The following COG5 variants were observed in gnomAD, a reference collection of about 807,000 sequenced individuals.
The protein encoded by COG5 is component of oligomeric golgi complex 5.
In COG5, 86 loss-of-function variants were observed where a neutral mutation model predicts 110.4. The observed-to-expected ratio is 0.78, with a 90% confidence interval of 0.65 to 0.93. The LOEUF (loss-of-function observed/expected upper bound fraction) is 0.93. Among genes scored for constraint, COG5 ranks in the 40% least tolerant of loss-of-function variants. COG5 has a pLI of 0.00. For synonymous variants in COG5, 360 were observed against 334.6 expected (o/e 1.08, Z -0.83); for missense variants, 1,077 against 987.0 (o/e 1.09, Z -1.22).
intron 12 of COG5, among the ~76,000 whole-genome samples, chr7:107,289,492 T>G (rs1310144555): frequency 6.6e-6 from 1 of 152,152 alleles, no homozygotes; most frequent in African/African-American, 2.4e-5. Context: ...CCCTTGAAAT[T>G]CCTTATGAAT....
chr7:107,561,881 CAGG>C (rs1294329860), intron 1 of COG5, among the ~76,000 whole-genome samples: 3 of 152,012 alleles, frequency 2.0e-5, no homozygotes, highest in Non-Finnish European at 2.9e-5. Flanking sequence ...GAGGCTGAGC[CAGG>C]AGAATGGCGT....
intron 6 of COG5, among the ~76,000 whole-genome samples, chr7:107,492,142 A>G (rs1798008598): frequency 6.6e-6 from 1 of 151,132 alleles, no homozygotes; most frequent in African/African-American, 2.4e-5. Context: ...AACATAGTAA[A>G]CAAAAAACCA....
At chr7:107,481,822 G>A (rs1472914583) in intron 6 of COG5, among the ~76,000 whole-genome samples, 2 of 152,032 alleles carry the variant, frequency 1.3e-5, no homozygotes, top group African/African-American at 4.8e-5. Flanking sequence ...TGTCTTAAAT[G>A]CACACAATAC....
chr7:107,417,468 C>G (rs1269682382), intron 6 of COG5, among the ~76,000 whole-genome samples: 1 of 152,048 alleles, frequency 6.6e-6, no homozygotes, highest in Non-Finnish European at 1.5e-5. Context: ...ATTTACTTAA[C>G]CTTCAGTTTA....
chr7:107,303,565 T>C (rs1200061450), intron 11 of COG5, among the ~76,000 whole-genome samples: 1 of 151,874 alleles, frequency 6.6e-6, no homozygotes, highest in Non-Finnish European at 1.5e-5. Context: ...GCTGGGACCA[T>C]AGATATGCAC....
At chr7:107,226,309 C>T (rs997702116) in intron 19 of COG5, among the ~76,000 whole-genome samples, 10 of 152,148 alleles carry the variant, frequency 6.6e-5, no homozygotes, top group African/African-American at 2.4e-4. Flanking sequence ...CAAGGTCTAA[C>T]TTGGATGATG....
chr7:107,529,692 G>A (rs977969782), intron 5 of COG5, among the ~76,000 whole-genome samples: 1 of 152,178 alleles, frequency 6.6e-6, no homozygotes, highest in Non-Finnish European at 1.5e-5. Flanking sequence ...TGACCTCAGT[G>A]CCCACGTGGG....
rs1562948771 is a variant in COG5, at chr7:107,281,383, CA to C, written c.1491del (p.Ala498LeufsTer8). 3 of 1,612,980 alleles carry C rather than the reference CA, an allele frequency of 1.9e-6. No individual in the cohort carries two copies. The highest frequency in any genetic ancestry group is 2.5e-6 in the Non-Finnish European group (3 of 1,179,124). On this transcript the variant is annotated frameshift_variant, in exon 14 of 22. Coordinates refer to ENST00000297135, the MANE Select transcript of COG5 (RefSeq NM_006348.5). LOFTEE classifies it high-confidence loss of function. ...IKTIASELNV[A>X]AVDTNLTLAV... ...GCTAATGTGAGGTTTGTATCAACAG[CA>C]GCAACATTTAGTTCACTGGAGAAAA...
Position 107,307,078 on chromosome 7 carries a change from T to G in COG5, c.1109-8732A>C, listed in dbSNP as rs76262709. 4.6e-3 allele frequency among the ~76,000 whole-genome samples: 701 copies of G among 152,288 alleles called. 8 individuals carry two copies. Among genetic ancestry groups the G allele is most frequent in the African/African-American group, 0.015 (644 of 41,572 alleles). ...CACTCCGCCTTAACTCTATAAACTA[T>G]TCATTTGCAGCCACTGTCCTGTTGC... On this transcript the variant is annotated intron_variant, in intron 11 of 21. Coordinates refer to ENST00000297135, the MANE Select transcript of COG5 (RefSeq NM_006348.5).
intron 12 of COG5, among the ~76,000 whole-genome samples, chr7:107,291,436 G>A (rs1025075562): frequency 6.6e-6 from 1 of 152,052 alleles, no homozygotes; most frequent in Non-Finnish European, 1.5e-5. Flanking sequence ...CAGCTCTAAG[G>A]CTTGTTATTG....
chr7:107,324,565 T>G, intron 10 of COG5, 44 bp from the exon 11 acceptor site: 1 of 1,169,990 alleles, frequency 8.5e-7, no homozygotes, highest in Non-Finnish European at 1.3e-6. Context: ...AAAAAATGCA[T>G]TTATTTTAAG....
At chr7:107,287,267 A>C (rs1358284060) in intron 12 of COG5, among the ~76,000 whole-genome samples, 2 of 152,124 alleles carry the variant, frequency 1.3e-5, no homozygotes, top group East Asian at 3.9e-4. Context: ...GGCTTGTGAG[A>C]TAGTGTGTCA....
intron 6 of COG5, among the ~76,000 whole-genome samples, chr7:107,420,580 C>T (rs1793213715): frequency 6.6e-6 from 1 of 152,166 alleles, no homozygotes; most frequent in African/African-American, 2.4e-5. Context: ...CCTGCCTCAG[C>T]CTCCTGAGTA....
At chr7:107,416,015 C>T (rs112785739) in intron 6 of COG5, among the ~76,000 whole-genome samples, 1 of 114,376 alleles carries the variant, frequency 8.7e-6, no homozygotes, top group Non-Finnish European at 2.0e-5. Flanking sequence ...CACACATACA[C>T]GTATGTATAT....
intron 6 of COG5, among the ~76,000 whole-genome samples, chr7:107,423,312 A>G (rs560030646): frequency 6.6e-6 from 1 of 152,306 alleles, no homozygotes; most frequent in South Asian, 2.1e-4. Flanking sequence ...ACAGGAATTA[A>G]AAAGAAGATA....
At chr7:107,292,063 G>C (rs1255923736) in intron 12 of COG5, among the ~76,000 whole-genome samples, 1 of 151,828 alleles carries the variant, frequency 6.6e-6, no homozygotes, top group African/African-American at 2.4e-5. Flanking sequence ...TTTAGAAAGG[G>C]TGTTGCTCTG....
chr7:107,425,222 C>T (rs1272332825), intron 6 of COG5, among the ~76,000 whole-genome samples: 2 of 151,808 alleles, frequency 1.3e-5, no homozygotes, highest in Non-Finnish European at 2.9e-5. Context: ...GAAACAAAAT[C>T]CATATAAATC....
At chr7:107,399,544 C>A (rs1791272506) in intron 7 of COG5, among the ~76,000 whole-genome samples, 1 of 152,190 alleles carries the variant, frequency 6.6e-6, no homozygotes, top group Non-Finnish European at 1.5e-5. Context: ...GTAAGACATG[C>A]CTCATCCCCT....
At chr7:107,248,094 T>A (rs1019370432) in intron 17 of COG5, among the ~76,000 whole-genome samples, 1 of 152,088 alleles carries the variant, frequency 6.6e-6, no homozygotes, top group Non-Finnish European at 1.5e-5. Context: ...AGTCCTGAAG[T>A]ACCAGGCTAA....
Sources: allele counts gnomAD v4.1 joint callset (sites outside exome capture counted in the v4.1 genomes callset), GRCh38; gene constraint gnomAD v4.1.1; transcripts MANE v1.5; gene names NCBI Gene and HGNC (gene_info 2026-07-23, HGNC 2026-07-21).